Variants in NR3C1 observed in about 807,000 individuals in gnomAD.
NR3C1 encodes the protein nuclear receptor subfamily 3 group C member 1.
In NR3C1, 14 loss-of-function variants were observed where a neutral mutation model predicts 74.0. The ratio of observed to expected loss-of-function variants is 0.19; its 90% CI spans 0.12 to 0.30. The LOEUF (loss-of-function observed/expected upper bound fraction) is 0.30. Among genes scored for constraint, NR3C1 ranks in the 10% least tolerant of loss-of-function variants. NR3C1 has a pLI of 1.00. For synonymous variants in NR3C1, 308 were observed against 332.5 expected (o/e 0.93, Z 0.80); for missense variants, 695 against 909.8 (o/e 0.76, Z 3.04).
At chr5:143,344,297 T>C (rs1374942270) in intron 2 of NR3C1, among the ~76,000 whole-genome samples, 1 of 152,244 alleles carries the variant, frequency 6.6e-6, no homozygotes. Flanking sequence ...TATTTCAGCA[T>C]GTCCTGATAG....
intron 1 of NR3C1, among the ~76,000 whole-genome samples, chr5:143,412,388 C>T (rs919991908): frequency 6.6e-6 from 1 of 152,140 alleles, no homozygotes; most frequent in South Asian, 2.1e-4. Context: ...ATTTGTTCAT[C>T]TCCATGCCTT....
At chr5:143,403,687 G>A (rs952539201), upstream of NR3C1, 13 of 985,372 alleles carry the variant, frequency 1.3e-5, no homozygotes, top group African/African-American at 1.7e-5. Flanking sequence ...TGGAGGCGGC[G>A]CCACGGCGCG....
chr5:143,427,193 TACTG>T (rs1197278773), intron 1 of NR3C1, among the ~76,000 whole-genome samples: 5 of 152,298 alleles, frequency 3.3e-5, no homozygotes, highest in African/African-American at 1.2e-4. Flanking sequence ...ACTGTGTTCT[TACTG>T]ACCATTTCAC....
At chr5:143,404,012 G>A, upstream of NR3C1, 1 of 985,266 alleles carries the variant, frequency 1.0e-6, no homozygotes. Context: ...GGCGTTAAGA[G>A]GGCCACCGAG....
chr5:143,293,472 G>T (rs565925198), intron 7 of NR3C1, among the ~76,000 whole-genome samples: 1 of 151,912 alleles, frequency 6.6e-6, no homozygotes, highest in South Asian at 2.1e-4. Context: ...CACCACTAAA[G>T]AACTTATTCA....
intron 2 of NR3C1, among the ~76,000 whole-genome samples, chr5:143,365,253 A>C (rs1387427170): frequency 6.6e-6 from 1 of 152,194 alleles, no homozygotes; most frequent in African/African-American, 2.4e-5. Context: ...TAAACTCCCC[A>C]AATAAAAAGC....
chr5:143,286,134 T>G (rs1277285976), intron 7 of NR3C1, among the ~76,000 whole-genome samples: 1 of 152,126 alleles, frequency 6.6e-6, no homozygotes, highest in Non-Finnish European at 1.5e-5. Flanking sequence ...GTTAAATTCC[T>G]TCAAAGATGT....
intron 2 of NR3C1, among the ~76,000 whole-genome samples, chr5:143,329,427 T>C (rs1246795928): frequency 6.6e-6 from 1 of 152,170 alleles, no homozygotes; most frequent in Non-Finnish European, 1.5e-5. Flanking sequence ...AAAGTAGGTA[T>C]CTCTAATCCC....
At chr5:143,346,180 G>C (rs1030777394) in intron 2 of NR3C1, among the ~76,000 whole-genome samples, 1 of 152,222 alleles carries the variant, frequency 6.6e-6, no homozygotes, top group African/African-American at 2.4e-5. Context: ...GCAAGCAATT[G>C]AGATGATATC....
intron 2 of NR3C1, among the ~76,000 whole-genome samples, chr5:143,389,265 T>C (rs1187124418): frequency 6.6e-6 from 1 of 152,164 alleles, no homozygotes; most frequent in Non-Finnish European, 1.5e-5. Context: ...GATAAATGCT[T>C]GCTGCTGCCA....
At chr5:143,330,121 G>A (rs1825670484) in intron 2 of NR3C1, among the ~76,000 whole-genome samples, 1 of 152,130 alleles carries the variant, frequency 6.6e-6, no homozygotes, top group African/African-American at 2.4e-5. Flanking sequence ...GTTCATTTTA[G>A]AACATTCATT....
At chr5:143,337,646 C>T (rs1382290580) in intron 2 of NR3C1, among the ~76,000 whole-genome samples, 1 of 152,054 alleles carries the variant, frequency 6.6e-6, no homozygotes, top group East Asian at 1.9e-4. Flanking sequence ...TAATTCTATA[C>T]AGCAATGAAT....
intron 1 of NR3C1, among the ~76,000 whole-genome samples, chr5:143,413,934 T>G (rs1397210806): frequency 6.6e-6 from 1 of 152,058 alleles, no homozygotes; most frequent in East Asian, 1.9e-4. Context: ...AACCCAGATG[T>G]CCATGACAAT....
chr5:143,414,686 G>T (rs1841422955), intron 1 of NR3C1, among the ~76,000 whole-genome samples: 1 of 151,982 alleles, frequency 6.6e-6, no homozygotes, highest in Non-Finnish European at 1.5e-5. Flanking sequence ...TTATCTGTCT[G>T]TCTAAATTTG....
At chr5:143,366,008 T>C (rs1014729722) in intron 2 of NR3C1, among the ~76,000 whole-genome samples, 1 of 152,288 alleles carries the variant, frequency 6.6e-6, no homozygotes, top group African/African-American at 2.4e-5. Context: ...AGTGAAAGCA[T>C]ATACATTTCT....
chr5:143,433,269 T>C (rs925418957), intron 1 of NR3C1, among the ~76,000 whole-genome samples: 3 of 151,838 alleles, frequency 2.0e-5, no homozygotes, highest in African/African-American at 7.3e-5. Flanking sequence ...TTATTTAACA[T>C]ATTCTTTTGA....
chr5:143,287,731 A>G (rs1814823957), intron 7 of NR3C1, among the ~76,000 whole-genome samples: 1 of 152,174 alleles, frequency 6.6e-6, no homozygotes, highest in Admixed American at 6.5e-5. Flanking sequence ...ATCCTTCATA[A>G]AGAGAGATAT....
At chr5:143,428,714 A>C (rs1751662758) in intron 1 of NR3C1, among the ~76,000 whole-genome samples, 1 of 152,230 alleles carries the variant, frequency 6.6e-6, no homozygotes, top group African/African-American at 2.4e-5. Flanking sequence ...TTAACTGTAC[A>C]GGACTTGGGA....
At chr5:143,425,980 C>A (rs971634567) in intron 1 of NR3C1, among the ~76,000 whole-genome samples, 2 of 152,168 alleles carry the variant, frequency 1.3e-5, no homozygotes, top group African/African-American at 4.8e-5. Flanking sequence ...AAGTGATCAG[C>A]TCATGAGTGG....
Sources: gnomAD v4.1 joint callset for allele counts (sites outside exome capture counted in the v4.1 genomes callset) on GRCh38, gnomAD v4.1.1 for gene constraint, MANE v1.5 for transcripts, NCBI Gene and HGNC (gene_info 2026-07-23, HGNC 2026-07-21) for gene names.